The following ST6GALNAC3 variants were observed in gnomAD, a reference collection of about 807,000 sequenced individuals.
ST6GALNAC3 encodes the protein ST6 N-acetylgalactosaminide alpha-2,6-sialyltransferase 3.
A neutral mutation model predicts 32.7 loss-of-function variants in ST6GALNAC3; 25 were observed. The observed-to-expected ratio is 0.76, with a 90% CI of 0.56 to 1.07. The LOEUF (loss-of-function observed/expected upper bound fraction) is 1.07, where lower values mean the gene tolerates loss of function less well. Among genes scored for constraint, ST6GALNAC3 ranks in the 50% least tolerant of loss-of-function variants. The probability of loss-of-function intolerance (pLI) is 0.00; values close to 1 mark genes in which losing one functional copy is unlikely to be tolerated. For missense variants in ST6GALNAC3, 355 were observed against 382.4 expected (o/e 0.93, Z 0.60); for synonymous variants, 129 against 133.1 (o/e 0.97, Z 0.21).
intron 1 of ST6GALNAC3, among the ~76,000 whole-genome samples, chr1:76,102,981 G>A (rs1309105796): frequency 6.6e-6 from 1 of 151,710 alleles, no homozygotes; most frequent in Non-Finnish European, 1.5e-5. Context: ...AAAATTCTAG[G>A]CTATCTGTTA....
intron 1 of ST6GALNAC3, among the ~76,000 whole-genome samples, chr1:76,313,274 C>T (rs1428541075): frequency 6.6e-6 from 1 of 152,026 alleles, no homozygotes; most frequent in Non-Finnish European, 1.5e-5. Context: ...ATGTTAAGAG[C>T]CTGGGATACA....
At chr1:76,175,109 A>G (rs1557673203) in intron 1 of ST6GALNAC3, among the ~76,000 whole-genome samples, 2 of 152,138 alleles carry the variant, frequency 1.3e-5, no homozygotes, top group Non-Finnish European at 1.5e-5. Flanking sequence ...ACATCTTTAC[A>G]TATTCATCTT....
intron 3 of ST6GALNAC3, among the ~76,000 whole-genome samples, chr1:76,534,661 G>C (rs769820199): frequency 1.7e-4 from 26 of 152,112 alleles, no homozygotes; most frequent in Non-Finnish European, 3.1e-4. Context: ...TTGGAGCTCT[G>C]TGCATAATTG....
rs542251602 is a variant in ST6GALNAC3, at chr1:76,106,287, T to C, written c.18+31403T>C. On this transcript the variant is annotated intron_variant, in intron 1 of 4. Coordinates refer to ENST00000328299, the MANE Select transcript of ST6GALNAC3 (RefSeq NM_152996.4). ...TTGTTGTTATAACAGATCCTTGTCTTGCAGGGCAGTCTTTCTTTGTTTCCT... is the reference window on the plus strand; with the variant it reads ...TTGTTGTTATAACAGATCCTTGTCTCGCAGGGCAGTCTTTCTTTGTTTCCT... 1.5e-4 allele frequency among the ~76,000 whole-genome samples: 23 copies of C among 152,348 alleles called. No homozygotes were observed. The South Asian group carries it at 3.7e-3, about 25-fold the overall frequency.
chr1:76,400,949 C>A (rs915725227), intron 2 of ST6GALNAC3, among the ~76,000 whole-genome samples: 1 of 151,632 alleles, frequency 6.6e-6, no homozygotes, highest in Non-Finnish European at 1.5e-5. Flanking sequence ...TAATTTTATA[C>A]CTCCTCTCAA....
chr1:76,545,747 C>T (rs1664257411), intron 3 of ST6GALNAC3, among the ~76,000 whole-genome samples: 1 of 151,696 alleles, frequency 6.6e-6, no homozygotes, highest in South Asian at 2.1e-4. Flanking sequence ...GCCTCCGCCT[C>T]TCAGGTTCAA....
At chr1:76,484,437 C>T (rs1659957941) in intron 3 of ST6GALNAC3, among the ~76,000 whole-genome samples, 2 of 152,174 alleles carry the variant, frequency 1.3e-5, no homozygotes, top group Non-Finnish European at 2.9e-5. Context: ...AGGTCCTTCA[C>T]ATCCCTTGTA....
At chr1:76,425,347 G>T (rs1213128559) in intron 3 of ST6GALNAC3, among the ~76,000 whole-genome samples, 1 of 151,964 alleles carries the variant, frequency 6.6e-6, no homozygotes, top group Non-Finnish European at 1.5e-5. Context: ...TCATAAAAGA[G>T]AAAACATCCT....
rs145196968 is a variant in ST6GALNAC3 at position 76,317,152 on chromosome 1, G to A, written c.213+3153G>A. 6.6e-5 allele frequency among the ~76,000 whole-genome samples: 10 copies of A among 152,094 alleles called. No individual in the cohort carries two copies. The East Asian group carries it at 9.7e-4, about 15-fold the overall frequency. ...AATTCAAGTAGTTCTAGGCTAACTC[G>A]GGAGAAAATAAAAACTTTGTGACTT... is the stretch of plus-strand genomic sequence containing the variant. On this transcript the variant is annotated intron_variant, in intron 2 of 4. Coordinates refer to ENST00000328299, the MANE Select transcript of ST6GALNAC3 (RefSeq NM_152996.4).
intron 3 of ST6GALNAC3, among the ~76,000 whole-genome samples, chr1:76,502,152 C>T (rs1238390949): frequency 1.3e-5 from 2 of 152,218 alleles, no homozygotes; most frequent in East Asian, 3.8e-4. Flanking sequence ...GTCACAAGCT[C>T]ACCCTGTTCC....
rs574440945 is a variant in ST6GALNAC3 at position 76,317,299 on chromosome 1, C to A, written c.213+3300C>A. 1.4e-4 allele frequency among the ~76,000 whole-genome samples: 22 copies of A among 152,198 alleles called. 1 individual carries two copies. The South Asian group carries it at 4.6e-3, about 32-fold the overall frequency. On this transcript the variant is annotated intron_variant, in intron 2 of 4. Coordinates refer to ENST00000328299, the MANE Select transcript of ST6GALNAC3 (RefSeq NM_152996.4). ...TTGTTCTCACTGTAATGTCCTCAGG[C>A]GCAATCCGTTGCAGAAATGGTTACA... is the stretch of plus-strand genomic sequence containing the variant.
At chr1:76,255,163 AT>A (rs1321932972) in intron 1 of ST6GALNAC3, among the ~76,000 whole-genome samples, 1 of 151,880 alleles carries the variant, frequency 6.6e-6, no homozygotes, top group Non-Finnish European at 1.5e-5. Context: ...CATCCCATAA[AT>A]TTTATTCAAT....
chr1:76,345,830 C>T (rs912504062), intron 2 of ST6GALNAC3, among the ~76,000 whole-genome samples: 7 of 152,094 alleles, frequency 4.6e-5, no homozygotes, highest in Non-Finnish European at 1.0e-4. Context: ...ATTCCACACA[C>T]ACTGGTCTCC....
chr1:76,516,211 A>G (rs1313762843), intron 3 of ST6GALNAC3, among the ~76,000 whole-genome samples: 1 of 152,168 alleles, frequency 6.6e-6, no homozygotes, highest in Non-Finnish European at 1.5e-5. Flanking sequence ...GCAGGCCAAG[A>G]GGCCTTTCTG....
At chr1:76,450,188 C>T (rs1657291273) in intron 3 of ST6GALNAC3, among the ~76,000 whole-genome samples, 1 of 152,258 alleles carries the variant, frequency 6.6e-6, no homozygotes, top group African/African-American at 2.4e-5. Context: ...TACATTCCCA[C>T]CAGCAGTGTA....
At chr1:76,426,413 C>G (rs1368436756) in intron 3 of ST6GALNAC3, among the ~76,000 whole-genome samples, 2 of 151,784 alleles carry the variant, frequency 1.3e-5, no homozygotes, top group African/African-American at 2.4e-5. Context: ...ATATCGCTGT[C>G]TTCCACCTTC....
intron 1 of ST6GALNAC3, among the ~76,000 whole-genome samples, chr1:76,273,780 T>A (rs1658985972): frequency 6.6e-6 from 1 of 152,226 alleles, no homozygotes; most frequent in Non-Finnish European, 1.5e-5. Flanking sequence ...TCACTTTTGG[T>A]AGCAATCTAA....
intron 3 of ST6GALNAC3, among the ~76,000 whole-genome samples, chr1:76,528,540 A>G (rs550989043): frequency 1.3e-5 from 2 of 152,274 alleles, no homozygotes; most frequent in African/African-American, 4.8e-5. Flanking sequence ...CATACATAGT[A>G]TGTCGACTCT....
At chr1:76,102,221 T>A (rs2100777835) in intron 1 of ST6GALNAC3, among the ~76,000 whole-genome samples, 1 of 142,686 alleles carries the variant, frequency 7.0e-6, no homozygotes, top group African/African-American at 2.5e-5. Context: ...TCAGTTAGTA[T>A]TTGCCTGGTG....
Sources: gnomAD v4.1 joint callset for allele counts (sites outside exome capture counted in the v4.1 genomes callset) on GRCh38, gnomAD v4.1.1 for gene constraint, MANE v1.5 for transcripts, NCBI Gene and HGNC (gene_info 2026-07-23, HGNC 2026-07-21) for gene names.